Variants in SLC9B2 observed in about 807,000 individuals in gnomAD.
SLC9B2 encodes sodium/hydrogen exchanger 9B2.
Under a neutral mutation model 52.2 loss-of-function variants are expected in SLC9B2, and 39 were observed. The ratio of observed to expected loss-of-function variants is 0.75; its 90% CI spans 0.58 to 0.98. The LOEUF (loss-of-function observed/expected upper bound fraction) is 0.98. SLC9B2 is among the 50% of genes least tolerant of loss of function. The pLI is 0.00. For missense variants in SLC9B2, 626 were observed against 637.5 expected (o/e 0.98, Z 0.19); for synonymous variants, 214 against 227.0 (o/e 0.94, Z 0.51).
In SLC9B2 at chr4:103,043,379, C is replaced by G; in HGVS notation, c.1063G>C (p.Val355Leu). ...CCTGATCCAGGGAAACCAAAATGCA[C>G]ACTGCTGAACACAGCTAGCACAGAC... ...GLSVLAVFSS[V>L]HFGFPGSGGL... The change falls in exon 9 of 12, where the codon GTG (valine) becomes CTG (leucine). Residue 355 changes from valine (V) to leucine (L), a missense_variant. Val to Leu is a conservative substitution (Grantham distance 32). Coordinates refer to ENST00000394785, the MANE Select transcript of SLC9B2 (RefSeq NM_178833.7). 10 of 1,613,866 alleles carry G rather than the reference C, an allele frequency of 6.2e-6. No homozygotes were observed. Among genetic ancestry groups the G allele is most frequent in the Non-Finnish European group, 8.5e-6 (10 of 1,179,904 alleles).
intron 9 of SLC9B2, among the ~76,000 whole-genome samples, chr4:103,034,943 T>C (rs1004977709): frequency 6.6e-6 from 1 of 152,116 alleles, no homozygotes; most frequent in Non-Finnish European, 1.5e-5. Flanking sequence ...AAATGTCAAA[T>C]GAAACATAAT....
intron 9 of SLC9B2, among the ~76,000 whole-genome samples, chr4:103,038,261 G>A (rs1743342830): frequency 6.6e-6 from 1 of 152,168 alleles, no homozygotes; most frequent in African/African-American, 2.4e-5. Flanking sequence ...AATTGTTTAA[G>A]AGAAGTCCTC....
chr4:103,073,244 C>T (rs1308398973), intron 1 of SLC9B2, among the ~76,000 whole-genome samples: 2 of 152,068 alleles, frequency 1.3e-5, no homozygotes, highest in African/African-American at 2.4e-5. Context: ...TGTATTCATG[C>T]CTTTGAAAGA....
At position 103,038,538 on chromosome 4, in the gene SLC9B2, C is replaced by G. The variant is rs554552846; in HGVS notation, c.1146+4758G>C. On this transcript the variant is annotated intron_variant, in intron 9 of 11. Coordinates refer to ENST00000394785, the MANE Select transcript of SLC9B2 (RefSeq NM_178833.7). ...AAAGAAAATGGAGTCATTGAATAGG[C>G]TGTGTATAAAAGATAAGCCCAGGGT... 3.4e-4 allele frequency among the ~76,000 whole-genome samples: 51 copies of G among 152,166 alleles called. 2 individuals carry two copies. The South Asian group carries it at 0.011, about 31-fold the overall frequency.
intron 4 of SLC9B2, among the ~76,000 whole-genome samples, chr4:103,054,196 G>A (rs1159233505): frequency 6.6e-6 from 1 of 152,140 alleles, no homozygotes; most frequent in East Asian, 1.9e-4. Context: ...TTGAGCCCAG[G>A]AGATTGAGGA....
chr4:103,047,188 G>A lies in SLC9B2; in HGVS notation c.752C>T (p.Pro251Leu), dbSNP rs769726316. The A allele has an allele frequency of 6.2e-7, 1 of 1,613,804 alleles. No individual in the cohort carries two copies. The highest frequency in any genetic ancestry group is 8.5e-7 in the Non-Finnish European group (1 of 1,179,880). Residue 251 changes from proline to leucine, a missense_variant, in exon 7 of 12, where the codon CCT becomes CTT. Physicochemically the swap from Pro to Leu is moderately conservative, Grantham distance 98 (BLOSUM62 -3). Coordinates refer to ENST00000394785, the MANE Select transcript of SLC9B2 (RefSeq NM_178833.7). The part of the protein sequence containing the change: ...LGAVSPAVVV[P>L]SMLLLQGGGY... ...TCCTCCCTGCAAAAGGAGCATTGAAGGCACCACAACAGCTGGAGATACAGC... is the reference window on the plus strand; with the variant it reads ...TCCTCCCTGCAAAAGGAGCATTGAAAGCACCACAACAGCTGGAGATACAGC...
chr4:103,032,603 T>C (rs1401369544), intron 9 of SLC9B2, among the ~76,000 whole-genome samples: 1 of 152,142 alleles, frequency 6.6e-6, no homozygotes, highest in Admixed American at 6.6e-5. Flanking sequence ...AGCAAGATCT[T>C]ATAGCATGCA....
At chr4:103,055,862 G>A (rs536477431) in intron 4 of SLC9B2, among the ~76,000 whole-genome samples, 10 of 148,062 alleles carry the variant, frequency 6.8e-5, no homozygotes, top group African/African-American at 2.3e-4. Flanking sequence ...GGAGTGCAGT[G>A]GCGCGATCTC....
chr4:103,030,643 G>A (rs72943524), intron 10 of SLC9B2, among the ~76,000 whole-genome samples: 2,531 of 151,472 alleles, frequency 0.017, 55 homozygotes, highest in African/African-American at 0.054. Context: ...TGAAATAGAG[G>A]AATTTTATAT....
Position 103,061,524 on chromosome 4 carries a change from A to G in SLC9B2, c.272-3553T>C, listed in dbSNP as rs533385777. On this transcript the variant is annotated intron_variant, in intron 3 of 11. Coordinates refer to ENST00000394785, the MANE Select transcript of SLC9B2 (RefSeq NM_178833.7). ...GGGCCTGTTGTGGGGTGGGGGTAGG[A>G]GGGAGGGATAGCAATAGGAGATATA... 3.3e-5 allele frequency among the ~76,000 whole-genome samples: 5 copies of G among 151,994 alleles called. No homozygotes were observed. In the East Asian group the frequency reaches 5.8e-4, roughly 18 times the overall value.
Position 103,031,714 on chromosome 4 carries a change from C to T in SLC9B2, c.1241G>A (p.Arg414Lys), listed in dbSNP as rs1742716814. 2.5e-6 allele frequency: 4 copies of T among 1,612,162 alleles called. No homozygotes were observed. In the East Asian group the frequency reaches 8.9e-5, roughly 36 times the overall value. Residue 414 changes from arginine to lysine, a missense_variant, in exon 10 of 12, where the codon AGA (arginine) becomes AAA (lysine). Coordinates refer to ENST00000394785, the MANE Select transcript of SLC9B2 (RefSeq NM_178833.7). The part of the protein sequence containing the change: ...IGAEVSIASL[R>K]PETVGLCVAT... ...GAAATTCTTACCTACAGTTTCTGGT[C>T]TGAGAGATGCAATAGATACCTCTGC...
intron 1 of SLC9B2, among the ~76,000 whole-genome samples, chr4:103,070,865 G>GT (rs1232280589): frequency 6.6e-6 from 1 of 152,194 alleles, no homozygotes; most frequent in Non-Finnish European, 1.5e-5. Flanking sequence ...AGCAGCATTA[G>GT]TGACTGATGA....
intron 3 of SLC9B2, among the ~76,000 whole-genome samples, chr4:103,060,545 T>G (rs563580644): frequency 0.012 from 1,786 of 150,436 alleles, 60 homozygotes; most frequent in South Asian, 0.023. Flanking sequence ...TTGTTTGTTT[T>G]TTTTTTTTTT....
At chr4:103,020,424 G>A, downstream of SLC9B2, 1 of 413,560 alleles carries the variant, frequency 2.4e-6, no homozygotes, top group South Asian at 1.7e-5. Flanking sequence ...ATTGGAGAAA[G>A]TGTAAACTTC....
In SLC9B2 at chr4:103,022,729, A is replaced by G. The variant is rs1040862802; in HGVS notation, c.*3641T>C. On this transcript the variant is annotated 3_prime_UTR_variant, in exon 12 of 12. Transcript: ENST00000394785. Reference sequence around the variant, plus strand: ...AATATGACACTTCTTTCAGGGACTGAATTATGTCCTTCCCCACACATTCAT... The same window carrying G: ...AATATGACACTTCTTTCAGGGACTGGATTATGTCCTTCCCCACACATTCAT... 6.6e-6 allele frequency among the ~76,000 whole-genome samples: 1 copy of G among 152,206 alleles called. No homozygotes were observed. The highest frequency in any genetic ancestry group is 2.4e-5 in the African/African-American group (1 of 41,456).
chr4:103,071,888 G>C lies in SLC9B2; in HGVS notation c.-43+4296C>G, dbSNP rs138959973. ...AAAAGAAAATGGTACCACATTTCTT[G>C]GTAATATTTCTCATAGATACAGTCT... On this transcript the variant is annotated intron_variant, in intron 1 of 11. Transcript: ENST00000394785. Among the ~76,000 whole-genome samples, 548 of 152,074 alleles carry C rather than the reference G, an allele frequency of 3.6e-3. 1 individual carries two copies. The highest frequency in any genetic ancestry group is 0.012 in the African/African-American group (516 of 41,474).
At chr4:103,030,179 A>G (rs960555892) in intron 10 of SLC9B2, among the ~76,000 whole-genome samples, 1 of 152,140 alleles carries the variant, frequency 6.6e-6, no homozygotes, top group Non-Finnish European at 1.5e-5. Flanking sequence ...AATTGGATAT[A>G]TTGATTTAGA....
At chr4:103,026,752 G>A (rs959871067) in intron 11 of SLC9B2, among the ~76,000 whole-genome samples, 161 bp from the exon 12 acceptor site, 2 of 152,114 alleles carry the variant, frequency 1.3e-5, no homozygotes, top group Non-Finnish European at 2.9e-5. Flanking sequence ...ACGAGTTAAT[G>A]GGTGCAGCAC....
chr4:103,030,284 A>G (rs745314047), intron 10 of SLC9B2, among the ~76,000 whole-genome samples: 39 of 152,176 alleles, frequency 2.6e-4, no homozygotes, highest in Admixed American at 1.5e-3. Flanking sequence ...AAAGTTAGAA[A>G]GCAATTTGAT....
Sources: allele counts gnomAD v4.1 joint callset (sites outside exome capture counted in the v4.1 genomes callset), GRCh38; gene constraint gnomAD v4.1.1; transcripts MANE v1.5; gene names NCBI Gene and HGNC (gene_info 2026-07-23, HGNC 2026-07-21).